Variants in CDH4 observed in about 807,000 individuals in gnomAD.
CDH4 encodes cadherin-4.
In CDH4, 33 loss-of-function variants were observed where a neutral mutation model predicts 86.0. The observed-to-expected ratio is 0.38, with a 90% confidence interval of 0.29 to 0.51. The LOEUF (loss-of-function observed/expected upper bound fraction) is 0.51. Among genes scored for constraint, CDH4 ranks in the 20% least tolerant of loss-of-function variants. CDH4 has a pLI of 0.86. For missense variants in CDH4, 1,114 were observed against 1,307.4 expected, an observed-to-expected ratio of 0.85 and a Z score of 2.28; for synonymous variants, 555 against 549.4, an observed-to-expected ratio of 1.01 and a Z score of -0.14.
At chr20:61,260,144 A>T (rs1568771099) in intron 2 of CDH4, among the ~76,000 whole-genome samples, 1 of 151,990 alleles carries the variant, frequency 6.6e-6, no homozygotes, top group African/African-American at 2.4e-5. Flanking sequence ...GCAAAGTCAA[A>T]CTCTGTCCTG....
At chr20:61,659,155 A>G (rs2087224654) in intron 2 of CDH4, among the ~76,000 whole-genome samples, 1 of 152,220 alleles carries the variant, frequency 6.6e-6, no homozygotes, top group South Asian at 2.1e-4. Context: ...AGAGACAGGA[A>G]GGAGGGCCTG....
chr20:61,841,694 A>G (rs979510663), intron 4 of CDH4, among the ~76,000 whole-genome samples: 2 of 120,734 alleles, frequency 1.7e-5, no homozygotes, highest in Admixed American at 8.2e-5. Flanking sequence ...AAGGAGGTGC[A>G]TTGCGGGGGG....
chr20:61,665,612 C>A (rs1311601959), intron 2 of CDH4, among the ~76,000 whole-genome samples: 2 of 152,220 alleles, frequency 1.3e-5, no homozygotes, highest in Admixed American at 1.3e-4. Context: ...GGGCCTGGAG[C>A]ATCCACCAGC....
chr20:61,541,758 G>A (rs556207469), intron 2 of CDH4, among the ~76,000 whole-genome samples: 12 of 152,214 alleles, frequency 7.9e-5, no homozygotes, highest in Middle Eastern at 3.4e-3. Context: ...GCCTCTCCCC[G>A]TGGGTCCATG....
chr20:61,883,221 C>T (rs1004894238), intron 7 of CDH4, among the ~76,000 whole-genome samples: 19 of 152,250 alleles, frequency 1.2e-4, no homozygotes, highest in East Asian at 1.9e-4. Context: ...CCCTGCCTGC[C>T]GCCCGGTTTA....
At chr20:61,257,741 T>C (rs940692684) in intron 2 of CDH4, among the ~76,000 whole-genome samples, 1 of 152,226 alleles carries the variant, frequency 6.6e-6, no homozygotes, top group Non-Finnish European at 1.5e-5. Context: ...TATCTTTTTC[T>C]CTGCTTTGTT....
chr20:61,554,066 C>T (rs1478645396), intron 2 of CDH4, among the ~76,000 whole-genome samples: 1 of 152,202 alleles, frequency 6.6e-6, no homozygotes, highest in Non-Finnish European at 1.5e-5. Context: ...CAGGTTCTCC[C>T]CCACCCCATT....
chr20:61,704,016 G>A (rs967441867), intron 2 of CDH4, among the ~76,000 whole-genome samples: 1 of 152,014 alleles, frequency 6.6e-6, no homozygotes, highest in Non-Finnish European at 1.5e-5. Context: ...GCTGTGCCCT[G>A]TGGGTCCCTG....
chr20:61,614,363 G>A (rs2086709001), intron 2 of CDH4, among the ~76,000 whole-genome samples: 1 of 152,130 alleles, frequency 6.6e-6, no homozygotes, highest in South Asian at 2.1e-4. Flanking sequence ...GCGGGCACCT[G>A]GAGGGCAGGG....
intron 11 of CDH4, among the ~76,000 whole-genome samples, chr20:61,927,648 C>T (rs2055058690): frequency 6.6e-6 from 1 of 152,232 alleles, no homozygotes; most frequent in Non-Finnish European, 1.5e-5. Flanking sequence ...TAAGAAGTCC[C>T]AGATGGGGGC....
chr20:61,461,690 C>CATCATGACCATAACCA (rs2085443941), intron 2 of CDH4, among the ~76,000 whole-genome samples: 1 of 152,148 alleles, frequency 6.6e-6, no homozygotes. Flanking sequence ...GCCTGTCCTC[C>CATCATGACCATAACCA]TGTGTTATTT....
intron 7 of CDH4, among the ~76,000 whole-genome samples, chr20:61,889,986 A>G (rs1031883721): frequency 2.0e-5 from 3 of 146,660 alleles, no homozygotes; most frequent in Non-Finnish European, 4.5e-5. Flanking sequence ...GGGTGGATGG[A>G]TAGGTGGCTG....
At chr20:61,768,942 C>A (rs2088737262) in intron 3 of CDH4, among the ~76,000 whole-genome samples, 1 of 152,170 alleles carries the variant, frequency 6.6e-6, no homozygotes, top group Non-Finnish European at 1.5e-5. Flanking sequence ...AACTCAGAGT[C>A]TGAGATTCAG....
chr20:61,568,018 AGAG>A (rs1329642151), intron 2 of CDH4, among the ~76,000 whole-genome samples: 1 of 152,234 alleles, frequency 6.6e-6, no homozygotes, highest in Non-Finnish European at 1.5e-5. Context: ...AGGTAGTCAT[AGAG>A]GAGATCAAAA....
At chr20:61,627,444 G>A (rs1478702316) in intron 2 of CDH4, among the ~76,000 whole-genome samples, 5 of 152,250 alleles carry the variant, frequency 3.3e-5, no homozygotes, top group South Asian at 2.1e-4. Context: ...GGGGTGTTCC[G>A]CAGCCTCCCC....
At chr20:61,275,781 A>G (rs947854077) in intron 2 of CDH4, among the ~76,000 whole-genome samples, 1 of 151,932 alleles carries the variant, frequency 6.6e-6, no homozygotes, top group Non-Finnish European at 1.5e-5. Context: ...TTTCTGAAGG[A>G]TCCTGGATTC....
chr20:61,466,647 C>T (rs1010296674), intron 2 of CDH4, among the ~76,000 whole-genome samples: 5 of 152,064 alleles, frequency 3.3e-5, no homozygotes, highest in Non-Finnish European at 7.4e-5. Context: ...AGTTCAAGAT[C>T]AGCCTGGGCA....
chr20:61,684,235 G>A lies in CDH4; in HGVS notation c.170-59328G>A, dbSNP rs1287737241. ...AGGAGGCCGTCGGAGTGCTGTGAAT[G>A]AGGGGGACTGGCCGGCCTGGGAAGT... On this transcript the variant is annotated intron_variant, in intron 2 of 15. Transcript: ENST00000614565. The surrounding 1 kb of genome is among the most constrained non-coding windows in gnomAD (Gnocchi z 4.5). 6.6e-6 allele frequency among the ~76,000 whole-genome samples: 1 copy of A among 152,214 alleles called. No homozygotes were observed. Among genetic ancestry groups the A allele is most frequent in the Non-Finnish European group, 1.5e-5 (1 of 68,036 alleles).
chr20:61,838,228 C>A (rs1250047396), intron 4 of CDH4, among the ~76,000 whole-genome samples: 4 of 152,116 alleles, frequency 2.6e-5, no homozygotes, highest in Non-Finnish European at 5.9e-5. Context: ...AACGGTTGGG[C>A]CCTACCTACC....
Sources: allele counts gnomAD v4.1 joint callset (sites outside exome capture counted in the v4.1 genomes callset), GRCh38; gene constraint gnomAD v4.1.1; non-coding constraint Gnocchi (gnomAD v3.1); transcripts MANE v1.5; gene names NCBI Gene and HGNC (gene_info 2026-07-23, HGNC 2026-07-21).